ERICH1: variants seen among roughly 807,000 people sequenced by gnomAD.
The protein encoded by ERICH1 is glutamate rich 1.
In ERICH1, 56 loss-of-function variants were observed where a neutral mutation model predicts 39.6. That is an observed-to-expected ratio of 1.41 (90% confidence interval 1.14 to 1.77). The LOEUF (loss-of-function observed/expected upper bound fraction) is 1.77, where lower values mean the gene tolerates loss of function less well. Ranked by LOEUF, ERICH1 falls within the 40% of genes most tolerant of loss-of-function variation. The probability of loss-of-function intolerance (pLI) is 0.00; values close to 1 mark genes in which losing one functional copy is unlikely to be tolerated. For synonymous variants in ERICH1, 313 were observed against 223.6 expected (o/e 1.40, Z -3.57); for missense variants, 826 against 575.4 (o/e 1.44, Z -4.45).
chr8:642,823 G>T (rs1421991210), intron 3 of ERICH1, among the ~76,000 whole-genome samples: 1 of 152,132 alleles, frequency 6.6e-6, no homozygotes. Context: ...ATGTCTACAG[G>T]ACTGGGGGCT....
chr8:678,152 TA>T (rs139208924), intron 3 of ERICH1, among the ~76,000 whole-genome samples: 12 of 148,396 alleles, frequency 8.1e-5, no homozygotes, highest in Non-Finnish European at 7.5e-5. Context: ...TAATATACAT[TA>T]AAAAAAAAAG....
intron 3 of ERICH1, among the ~76,000 whole-genome samples, chr8:638,072 A>G (rs17065199): frequency 6.6e-6 from 1 of 152,120 alleles, no homozygotes; most frequent in African/African-American, 2.4e-5. Flanking sequence ...GTCCTGAGTC[A>G]TTTACATCGG....
chr8:685,079 T>C (rs1806992352), intron 3 of ERICH1, among the ~76,000 whole-genome samples: 1 of 152,202 alleles, frequency 6.6e-6, no homozygotes, highest in Admixed American at 6.5e-5. Flanking sequence ...CTGGGGGCGC[T>C]GCAGGAGACC....
At chr8:685,252 C>T (rs910691547) in intron 3 of ERICH1, among the ~76,000 whole-genome samples, 9 of 152,156 alleles carry the variant, frequency 5.9e-5, no homozygotes, top group East Asian at 1.9e-4. Context: ...TTCTCTTACC[C>T]GTTTTCGGCA....
intron 1 of ERICH1, among the ~76,000 whole-genome samples, chr8:726,755 C>A (rs1051031472): frequency 6.6e-6 from 1 of 151,340 alleles, no homozygotes; most frequent in African/African-American, 2.4e-5. Flanking sequence ...TACACGCACA[C>A]CACACACAGA....
At chr8:665,171 C>G (rs561730458) in intron 5 of ERICH1, among the ~76,000 whole-genome samples, 1 of 150,824 alleles carries the variant, frequency 6.6e-6, no homozygotes, top group African/African-American at 2.5e-5. Context: ...CAAGACACCA[C>G]AATCGCGATG....
chr8:723,919 C>T (rs1195758484), intron 1 of ERICH1, among the ~76,000 whole-genome samples: 1 of 151,966 alleles, frequency 6.6e-6, no homozygotes, highest in South Asian at 2.1e-4. Flanking sequence ...CATCACTTCA[C>T]AAGAAAGAAA....
intron 3 of ERICH1, among the ~76,000 whole-genome samples, chr8:654,353 C>T (rs1800343093): frequency 6.6e-6 from 1 of 152,096 alleles, no homozygotes; most frequent in Admixed American, 6.5e-5. Flanking sequence ...CAGGAAGCTC[C>T]TTCAGAGGCT....
At chr8:710,120 C>A (rs1445633609) in intron 2 of ERICH1, among the ~76,000 whole-genome samples, 1 of 152,222 alleles carries the variant, frequency 6.6e-6, no homozygotes, top group Non-Finnish European at 1.5e-5. Context: ...TAAACCTACG[C>A]TGACACACGT....
In ERICH1 at chr8:624,792, T is replaced by C. The variant is rs532962719; in HGVS notation, c.977-9508A>G. 1.3e-4 allele frequency among the ~76,000 whole-genome samples: 20 copies of C among 152,234 alleles called. No homozygotes were observed. The South Asian group carries it at 4.2e-3, about 32-fold the overall frequency. The stretch of plus-strand genomic sequence containing the variant: ...CCCAGGCCGGACTGCAGTGGCACGA[T>C]CTCGGCTCACTGCAAGCTCTGCCTC... On this transcript the variant is annotated intron_variant, in intron 3 of 3. Coordinates refer to the ERICH1 transcript ENST00000522706.
chr8:659,499 G>A (rs200172674), downstream of ERICH1, among the ~76,000 whole-genome samples: 8 of 174 alleles, frequency 0.046, no homozygotes, highest in Non-Finnish European at 0.016. Flanking sequence ...CGAGATCTCC[G>A]GTGTGCACTG....
At position 707,208 on chromosome 8, in the gene ERICH1, C is replaced by CTTT. The variant is rs71528615; in HGVS notation, c.169+8650_169+8652dup. 5.1e-5 allele frequency among the ~76,000 whole-genome samples: 7 copies of CTTT among 136,414 alleles called. 1 individual carries two copies. Among genetic ancestry groups the CTTT allele is most frequent in the Non-Finnish European group, 4.7e-5 (3 of 64,138 alleles). The allele number at this position is 136,414 out of a possible 152,430, so 89.5% of individuals were successfully genotyped here. A position where few individuals can be genotyped will look rare whatever the true frequency, so the allele number is the denominator to read the frequency against. ...TGTGGCCAACTGATTTTTTTTGTTTCTTTTTTTTTTTTTTTTTTAGACAGA... is the reference window on the plus strand; with the variant it reads ...TGTGGCCAACTGATTTTTTTTGTTTCTTTTTTTTTTTTTTTTTTTTTAGACAGA... On this transcript the variant is annotated intron_variant, in intron 2 of 5. Transcript: ENST00000262109.
intron 2 of ERICH1, among the ~76,000 whole-genome samples, chr8:713,658 A>C (rs1273102411): frequency 6.6e-6 from 1 of 152,142 alleles, no homozygotes; most frequent in African/African-American, 2.4e-5. Flanking sequence ...CTGTGGGAAG[A>C]TGTGTTCAGA....
intron 2 of ERICH1, among the ~76,000 whole-genome samples, chr8:698,569 T>C (rs1199297675): frequency 6.6e-6 from 1 of 152,078 alleles, no homozygotes; most frequent in African/African-American, 2.4e-5. Flanking sequence ...TCCTCAATTC[T>C]CAATGACAAG....
intron 1 of ERICH1, among the ~76,000 whole-genome samples, chr8:720,789 T>A (rs1047069384): frequency 3.3e-5 from 5 of 152,206 alleles, no homozygotes; most frequent in African/African-American, 1.2e-4. Context: ...TGCATGGGTG[T>A]TCTAGAACCT....
rs191009279 is a variant in ERICH1 at position 685,092 on chromosome 8, G to A, written c.304+7386C>T. On this transcript the variant is annotated intron_variant, in intron 3 of 5. Transcript: ENST00000262109. ...GCCTGGGGGCGCTGCAGGAGACCAG[G>A]GCGTGTTTCATCCCTATCTACAACT... 2.4e-4 allele frequency among the ~76,000 whole-genome samples: 36 copies of A among 152,276 alleles called. 1 individual carries two copies. In the East Asian group the frequency reaches 6.4e-3, roughly 27 times the overall value.
rs532268379 is a variant in ERICH1, at chr8:719,311, A to T, written c.23-3304T>A. On this transcript the variant is annotated intron_variant, in intron 1 of 5. Transcript: ENST00000262109. The stretch of plus-strand genomic sequence containing the variant: ...ACCCTCCATGCCTCACTTTTCTCCC[A>T]TTTTCCTTGTACTCCACCATCATGA... Among the ~76,000 whole-genome samples the T allele has an allele frequency of 2.6e-5, 4 of 151,996 alleles. No individual in the cohort carries two copies. In the South Asian group the frequency reaches 8.3e-4, roughly 32 times the overall value.
At chr8:683,455 G>A (rs775324112) in intron 3 of ERICH1, among the ~76,000 whole-genome samples, 44 of 152,168 alleles carry the variant, frequency 2.9e-4, no homozygotes, top group Admixed American at 7.2e-4. Context: ...GAACACCCTC[G>A]GAATAAAGAG....
chr8:640,561 T>C (rs1169629516), intron 3 of ERICH1: 1 of 152,228 alleles, frequency 6.6e-6, no homozygotes, highest in East Asian at 1.9e-4. Context: ...CTAGTGAGAA[T>C]GTAATGTGAT....
Sources: gnomAD v4.1 joint callset for allele counts (sites outside exome capture counted in the v4.1 genomes callset) on GRCh38, gnomAD v4.1.1 for gene constraint, MANE v1.5 for transcripts, NCBI Gene and HGNC (gene_info 2026-07-23, HGNC 2026-07-21) for gene names.